Variants in RGS6 observed in about 807,000 individuals in gnomAD.
RGS6 encodes regulator of G-protein signaling 6.
RGS6 carries 30 observed loss-of-function variants against 78.5 expected under a neutral mutation model. That is an observed-to-expected ratio of 0.38 (90% CI 0.29 to 0.52). RGS6 has a LOEUF of 0.52. RGS6 is among the 20% of genes least tolerant of loss of function. The pLI is 0.85. For missense variants in RGS6, 495 were observed against 609.7 expected (o/e 0.81, Z 1.98); for synonymous variants, 206 against 206.0 (o/e 1.00, Z 0.00).
chr14:72,176,810 C>T (rs2097110472), intron 2 of RGS6, among the ~76,000 whole-genome samples: 1 of 152,208 alleles, frequency 6.6e-6, no homozygotes, highest in African/African-American at 2.4e-5. Flanking sequence ...CACATACGCA[C>T]ATGTGCACAC....
intron 2 of RGS6, among the ~76,000 whole-genome samples, chr14:72,044,918 A>G (rs180678958): frequency 9.9e-5 from 15 of 152,204 alleles, no homozygotes; most frequent in Admixed American, 5.9e-4. Context: ...AAAAAACTCC[A>G]GGTTCTCCAC....
intron 2 of RGS6, among the ~76,000 whole-genome samples, chr14:72,046,463 C>T (rs1173754155): frequency 6.6e-6 from 1 of 152,002 alleles, no homozygotes; most frequent in African/African-American, 2.4e-5. Context: ...TCAAGGTTTT[C>T]GTTTTGTTTT....
intron 2 of RGS6, among the ~76,000 whole-genome samples, chr14:72,178,799 T>G (rs1165787858): frequency 2.6e-5 from 4 of 152,146 alleles, no homozygotes; most frequent in African/African-American, 4.8e-5. Flanking sequence ...CCACATAACT[T>G]TTTAAAGGGG....
At chr14:71,945,638 A>G (rs1406218804) in intron 1 of RGS6, among the ~76,000 whole-genome samples, 1 of 152,186 alleles carries the variant, frequency 6.6e-6, no homozygotes, top group Non-Finnish European at 1.5e-5. Context: ...CCTGGATACC[A>G]AATAAGATTT....
At chr14:72,000,722 G>C (rs8004427) in intron 2 of RGS6, among the ~76,000 whole-genome samples, 142,707 of 152,216 alleles carry the variant, frequency 0.94, 66,991 homozygotes, top group East Asian at 0.99. Context: ...GAAAAAGAAA[G>C]AGCCAGGAAT....
At chr14:72,531,431 C>CAAAAA (rs58751762) in intron 15 of RGS6, among the ~76,000 whole-genome samples, 2 of 66,712 alleles carry the variant, frequency 3.0e-5, no homozygotes, top group Non-Finnish European at 6.6e-5. Context: ...GACTTTATCT[C>CAAAAA]AAAAAAAAAA....
intron 2 of RGS6, among the ~76,000 whole-genome samples, chr14:72,068,931 C>G (rs957346919): frequency 6.6e-6 from 1 of 151,784 alleles, no homozygotes; most frequent in African/African-American, 2.4e-5. Flanking sequence ...GATTTCTTCT[C>G]TTTTATACTT....
At chr14:72,296,160 G>T (rs190440160) in intron 2 of RGS6, among the ~76,000 whole-genome samples, 56 of 152,208 alleles carry the variant, frequency 3.7e-4, no homozygotes, top group Middle Eastern at 3.4e-3. Flanking sequence ...TAATATTTTT[G>T]AGATTTATCC....
intron 2 of RGS6, among the ~76,000 whole-genome samples, chr14:72,109,081 C>T (rs2095695917): frequency 6.6e-6 from 1 of 151,782 alleles, no homozygotes; most frequent in Non-Finnish European, 1.5e-5. Flanking sequence ...AAAAAACTTG[C>T]TTTGTAAATT....
At chr14:72,360,478 C>T (rs547823418) in intron 3 of RGS6, among the ~76,000 whole-genome samples, 11 of 151,820 alleles carry the variant, frequency 7.2e-5, no homozygotes, top group Admixed American at 2.0e-4. Context: ...GCCAAGATCA[C>T]GCCACTGCAC....
At chr14:72,075,945 A>T (rs2094558386) in intron 2 of RGS6, among the ~76,000 whole-genome samples, 1 of 152,220 alleles carries the variant, frequency 6.6e-6, no homozygotes, top group African/African-American at 2.4e-5. Flanking sequence ...CTCTTCTGAC[A>T]CAAGGCTCTG....
At chr14:72,264,906 C>T (rs1014592631) in intron 2 of RGS6, among the ~76,000 whole-genome samples, 24 of 152,156 alleles carry the variant, frequency 1.6e-4, no homozygotes, top group African/African-American at 5.8e-4. Flanking sequence ...CTTTCAGGAA[C>T]CTCTCGGTAC....
intron 17 of RGS6, among the ~76,000 whole-genome samples, chr14:72,547,528 G>C (rs965448276): frequency 6.6e-6 from 1 of 152,198 alleles, no homozygotes; most frequent in Admixed American, 6.5e-5. Flanking sequence ...CCTGTCCATA[G>C]GTAGGAATAG....
chr14:72,020,584 GTGTGACTAT>G (rs1190446896), intron 2 of RGS6, among the ~76,000 whole-genome samples: 1 of 152,060 alleles, frequency 6.6e-6, no homozygotes, highest in Non-Finnish European at 1.5e-5. Context: ...TGATGACTAA[GTGTGACTAT>G]TCTCCAAGGT....
At chr14:72,334,449 T>G (rs907714601) in intron 2 of RGS6, among the ~76,000 whole-genome samples, 2 of 152,174 alleles carry the variant, frequency 1.3e-5, no homozygotes, top group African/African-American at 4.8e-5. Flanking sequence ...CCCTTCCCCC[T>G]CATTTCTTCA....
At chr14:72,162,869 A>G (rs920610701) in intron 2 of RGS6, among the ~76,000 whole-genome samples, 1 of 152,194 alleles carries the variant, frequency 6.6e-6, no homozygotes, top group Non-Finnish European at 1.5e-5. Context: ...CCACACAGCC[A>G]TAAAAAGGAA....
At chr14:72,454,275 C>A (rs1461437830) in intron 3 of RGS6, among the ~76,000 whole-genome samples, 2 of 152,086 alleles carry the variant, frequency 1.3e-5, no homozygotes, top group Non-Finnish European at 2.9e-5. Flanking sequence ...TCTATAGACA[C>A]TTCCTAGAAA....
chr14:72,052,511 TCCAG>T (rs2093311367), intron 2 of RGS6, among the ~76,000 whole-genome samples: 1 of 152,148 alleles, frequency 6.6e-6, no homozygotes, highest in African/African-American at 2.4e-5. Context: ...TCTACTTGTT[TCCAG>T]ATGGTAGACA....
intron 3 of RGS6, among the ~76,000 whole-genome samples, chr14:72,402,649 G>T (rs899572630): frequency 6.6e-6 from 1 of 152,042 alleles, no homozygotes; most frequent in Non-Finnish European, 1.5e-5. Flanking sequence ...ATACTGTGTT[G>T]GTAGGAACGT....
Sources: gnomAD v4.1 joint callset for allele counts (sites outside exome capture counted in the v4.1 genomes callset) on GRCh38, gnomAD v4.1.1 for gene constraint, MANE v1.5 for transcripts, NCBI Gene and HGNC (gene_info 2026-07-23, HGNC 2026-07-21) for gene names.